The following GRXCR1 variants were observed in gnomAD, a reference collection of about 807,000 sequenced individuals.
GRXCR1 encodes the protein glutaredoxin and cysteine rich domain containing 1.
Under a neutral mutation model 27.3 loss-of-function variants are expected in GRXCR1, and 27 were observed. The ratio of observed to expected loss-of-function variants is 0.99; its 90% CI spans 0.73 to 1.37. The LOEUF is 1.37. GRXCR1 is among the 40% of genes most tolerant of loss of function. The pLI, the probability that GRXCR1 is intolerant of heterozygous loss-of-function variation, is 0.00. For synonymous variants in GRXCR1, 122 were observed against 131.1 expected (o/e 0.93, Z 0.47); for missense variants, 379 against 354.4 (o/e 1.07, Z -0.56).
At chr4:43,018,724 A>G (rs1223317502) in intron 2 of GRXCR1, among the ~76,000 whole-genome samples, 1 of 152,206 alleles carries the variant, frequency 6.6e-6, no homozygotes. Context: ...TTCATGTATC[A>G]AATTCCCCAG....
At chr4:42,956,930 C>T (rs967805228) in intron 1 of GRXCR1, among the ~76,000 whole-genome samples, 2 of 151,956 alleles carry the variant, frequency 1.3e-5, no homozygotes, top group Non-Finnish European at 2.9e-5. Context: ...GGTAAAAGAC[C>T]CAAGATCATT....
chr4:42,972,326 C>T (rs1227827963), intron 2 of GRXCR1, among the ~76,000 whole-genome samples: 1 of 152,094 alleles, frequency 6.6e-6, no homozygotes, highest in Non-Finnish European at 1.5e-5. Flanking sequence ...CATGAACATT[C>T]AAATCTTCTT....
At chr4:42,941,150 A>T (rs1265786631) in intron 1 of GRXCR1, among the ~76,000 whole-genome samples, 1 of 151,868 alleles carries the variant, frequency 6.6e-6, no homozygotes, top group East Asian at 1.9e-4. Flanking sequence ...CCATAAATCT[A>T]CCTCACTGAG....
At position 42,896,947 on chromosome 4, in the gene GRXCR1, A is replaced by T. The variant is rs371064987; in HGVS notation, c.384+3297A>T. Among the ~76,000 whole-genome samples the T allele has an allele frequency of 4.0e-4, 60 of 151,890 alleles. 1 individual carries two copies. The South Asian group carries it at 0.01, about 26-fold the overall frequency. Reference sequence around the variant, plus strand: ...TATCAGTTAATTTGAGAACAGGTCCAGAAATCTTACCAGGACACTCTGATG... The same window carrying T: ...TATCAGTTAATTTGAGAACAGGTCCTGAAATCTTACCAGGACACTCTGATG... On this transcript the variant is annotated intron_variant, in intron 1 of 3. Transcript: ENST00000399770.
chr4:42,952,699 T>C (rs1257176585), intron 1 of GRXCR1, among the ~76,000 whole-genome samples: 1 of 152,070 alleles, frequency 6.6e-6, no homozygotes, highest in Non-Finnish European at 1.5e-5. Context: ...CCAACCTAGA[T>C]TGATGAGGTT....
At position 42,983,769 on chromosome 4, in the gene GRXCR1, C is replaced by G. The variant is rs1311693676; in HGVS notation, c.627+20635C>G. On this transcript the variant is annotated intron_variant, in intron 2 of 3. Transcript: ENST00000399770. ...TAACTTTTTAAAATTCTTTTTTATT[C>G]TTTTTTCTTTTTTCTCCTCTAAGTG... 2.7e-5 allele frequency among the ~76,000 whole-genome samples: 4 copies of G among 150,728 alleles called. No homozygotes were observed. In the East Asian group the frequency reaches 5.8e-4, roughly 22 times the overall value.
At chr4:42,944,467 G>A (rs529110800) in intron 1 of GRXCR1, among the ~76,000 whole-genome samples, 1 of 152,234 alleles carries the variant, frequency 6.6e-6, no homozygotes, top group East Asian at 1.9e-4. Flanking sequence ...CTTGGGGAAT[G>A]CCAGTAATTA....
In GRXCR1 at chr4:42,893,026, A is replaced by G. The variant is rs139064228; in HGVS notation, c.-241A>G. On this transcript the variant is annotated 5_prime_UTR_variant, in exon 1 of 4. An upstream open reading frame in the 5' UTR loses its in-frame stop. Coordinates refer to ENST00000399770, the MANE Select transcript of GRXCR1 (RefSeq NM_001080476.3). Reference sequence around the variant, plus strand: ...AGTCCACCATGGCTATTTAATATTTAAAGGCTGAGATCATTTTGCGGGTTT... The same window carrying G: ...AGTCCACCATGGCTATTTAATATTTGAAGGCTGAGATCATTTTGCGGGTTT... 1.3e-5 allele frequency among the ~76,000 whole-genome samples: 2 copies of G among 152,274 alleles called. No individual in the cohort carries two copies. Among genetic ancestry groups the G allele is most frequent in the East Asian group, 3.9e-4 (2 of 5,164 alleles).
chr4:42,910,776 C>A (rs1256730492), intron 1 of GRXCR1, among the ~76,000 whole-genome samples: 2 of 152,122 alleles, frequency 1.3e-5, no homozygotes, highest in Non-Finnish European at 2.9e-5. Context: ...CACATATATA[C>A]CAATACAGGT....
intron 1 of GRXCR1, among the ~76,000 whole-genome samples, chr4:42,896,657 A>G (rs944603506): frequency 7.9e-5 from 12 of 152,140 alleles, no homozygotes; most frequent in African/African-American, 2.7e-4. Flanking sequence ...GGCGTTTACT[A>G]GAAGTTCTTT....
intron 1 of GRXCR1, among the ~76,000 whole-genome samples, chr4:42,906,663 T>C (rs1225249435): frequency 6.6e-6 from 1 of 152,186 alleles, no homozygotes; most frequent in African/African-American, 2.4e-5. Context: ...AAGCTTGTTT[T>C]TATTTTTGAA....
intron 1 of GRXCR1, among the ~76,000 whole-genome samples, chr4:42,920,382 C>T (rs1746981826): frequency 6.6e-6 from 1 of 152,168 alleles, no homozygotes; most frequent in Non-Finnish European, 1.5e-5. Context: ...AATTAATTTG[C>T]TACCTTTGCC....
chr4:43,010,199 C>T (rs566309409), intron 2 of GRXCR1, among the ~76,000 whole-genome samples: 41 of 152,146 alleles, frequency 2.7e-4, no homozygotes, highest in African/African-American at 5.3e-4. Flanking sequence ...GTCAGGACTT[C>T]GAGACCAGCT....
intron 2 of GRXCR1, among the ~76,000 whole-genome samples, chr4:42,991,342 TAAAC>T (rs1048236478): frequency 6.6e-5 from 10 of 152,050 alleles, no homozygotes; most frequent in Admixed American, 1.3e-4. Context: ...TTTATTGTCT[TAAAC>T]AAAATTTTTT....
At position 42,997,916 on chromosome 4, in the gene GRXCR1, T is replaced by A. The variant is rs145588595; in HGVS notation, c.628-22438T>A. 1.9e-3 allele frequency among the ~76,000 whole-genome samples: 287 copies of A among 152,224 alleles called. 2 individuals are homozygous for A. The highest frequency in any genetic ancestry group is 6.7e-3 in the African/African-American group (277 of 41,508). Reference sequence around the variant, plus strand: ...CCTCTCGGGAACTGTGAGTACAAACTCTCTTTTCCATGTCAATTGTTTTCT... The same window carrying A: ...CCTCTCGGGAACTGTGAGTACAAACACTCTTTTCCATGTCAATTGTTTTCT... On this transcript the variant is annotated intron_variant, in intron 2 of 3. Coordinates refer to ENST00000399770, the MANE Select transcript of GRXCR1 (RefSeq NM_001080476.3).
At chr4:42,995,217 T>C (rs1195748865) in intron 2 of GRXCR1, among the ~76,000 whole-genome samples, 1 of 152,190 alleles carries the variant, frequency 6.6e-6, no homozygotes, top group African/African-American at 2.4e-5. Context: ...ATAAAGATTT[T>C]TGTTCCTGTT....
chr4:42,958,636 C>G (rs1161768236), intron 1 of GRXCR1, among the ~76,000 whole-genome samples: 1 of 151,912 alleles, frequency 6.6e-6, no homozygotes, highest in African/African-American at 2.4e-5. Context: ...GTTAATTGAT[C>G]AGAGGAAAAT....
At chr4:43,017,690 A>C (rs1157689823) in intron 2 of GRXCR1, among the ~76,000 whole-genome samples, 2 of 152,176 alleles carry the variant, frequency 1.3e-5, no homozygotes, top group Non-Finnish European at 2.9e-5. Context: ...TAATAGAGTA[A>C]ATAATTTCCA....
chr4:42,908,686 T>A (rs1306022111), intron 1 of GRXCR1, among the ~76,000 whole-genome samples: 2 of 152,150 alleles, frequency 1.3e-5, no homozygotes, highest in Non-Finnish European at 2.9e-5. Context: ...TACATGGTGT[T>A]AACACAAAAT....
Sources: allele counts gnomAD v4.1 joint callset (sites outside exome capture counted in the v4.1 genomes callset), GRCh38; gene constraint gnomAD v4.1.1; transcripts MANE v1.5; gene names NCBI Gene and HGNC (gene_info 2026-07-23, HGNC 2026-07-21).